The following TMEM135 variants were observed in gnomAD, a reference collection of about 807,000 sequenced individuals.
TMEM135 encodes the protein transmembrane protein 135.
In TMEM135, 30 loss-of-function variants were observed where a neutral mutation model predicts 60.3. The ratio of observed to expected loss-of-function variants is 0.50; its 90% CI spans 0.37 to 0.68. The LOEUF is 0.68. TMEM135 is among the 30% of genes least tolerant of loss of function. The pLI, the probability that TMEM135 is intolerant of heterozygous loss-of-function variation, is 0.00. For missense variants in TMEM135, 468 were observed against 548.8 expected, an observed-to-expected ratio of 0.85 and a Z score of 1.47; for synonymous variants, 190 against 186.7, an observed-to-expected ratio of 1.02 and a Z score of -0.14.
intron 5 of TMEM135, among the ~76,000 whole-genome samples, chr11:87,182,292 G>A (rs1186427478): frequency 4.6e-5 from 7 of 152,042 alleles, no homozygotes; most frequent in Non-Finnish European, 1.0e-4. Context: ...AGGAACAAAA[G>A]CTCTCTTTTG....
chr11:87,151,919 C>G (rs1358715273), intron 4 of TMEM135, among the ~76,000 whole-genome samples: 2 of 152,094 alleles, frequency 1.3e-5, no homozygotes, highest in African/African-American at 2.4e-5. Context: ...ATTATCCTAC[C>G]TCTGTTTTTT....
At position 87,067,725 on chromosome 11, in the gene TMEM135, A is replaced by G. The variant is rs199651242; in HGVS notation, c.173A>G (p.Asp58Gly). The G allele has an allele frequency of 1.9e-6, 3 of 1,613,900 alleles. No homozygotes were observed. Among genetic ancestry groups the G allele is most frequent in the East Asian group, 2.2e-5 (1 of 44,818 alleles). The stretch of plus-strand genomic sequence containing the variant: ...GCAATTCTCCGGAAACGGAAATTAG[A>G]CTATTATTTACACAAACTACTCCCT... ...IAAILRKRKLDYYLHKLLPEI... is the reference protein window; with the variant it reads ...IAAILRKRKLGYYLHKLLPEI... The change falls in exon 2 of 15, where the codon GAC becomes GGC. Residue 58 changes from aspartate (D) to glycine (G), a missense_variant. Asp to Gly is a moderately conservative substitution (Grantham distance 94, BLOSUM62 -1). Transcript: ENST00000305494.
At chr11:87,250,874 T>G (rs2135390952) in intron 6 of TMEM135, among the ~76,000 whole-genome samples, 1 of 152,180 alleles carries the variant, frequency 6.6e-6, no homozygotes, top group South Asian at 2.1e-4. Context: ...GAATTTGGGA[T>G]TTGGAGGGAG....
chr11:87,204,968 T>C (rs901941331), intron 5 of TMEM135, among the ~76,000 whole-genome samples: 2 of 152,232 alleles, frequency 1.3e-5, no homozygotes, highest in African/African-American at 4.8e-5. Context: ...CTTTACCTTC[T>C]CCATGAAACC....
rs527772217 is a variant in TMEM135, at chr11:87,193,076, C to T, written c.462+35670C>T. Among the ~76,000 whole-genome samples the T allele has an allele frequency of 8.5e-5, 13 of 152,244 alleles. No homozygotes were observed. The South Asian group carries it at 2.5e-3, about 29-fold the overall frequency. On this transcript the variant is annotated intron_variant, in intron 5 of 14. Coordinates refer to ENST00000305494, the MANE Select transcript of TMEM135 (RefSeq NM_022918.4). ...GTTGCAGTGAGCTGAGATTGCACCA[C>T]TGCACTCCAGCCTGGGTGACTCCAT...
At chr11:87,304,099 G>A (rs1000893659) in intron 8 of TMEM135, among the ~76,000 whole-genome samples, 2 of 152,154 alleles carry the variant, frequency 1.3e-5, no homozygotes, top group Non-Finnish European at 2.9e-5. Context: ...GGCCAGGCAT[G>A]GTGGCTCACA....
chr11:87,233,079 A>T (rs1940922424), intron 5 of TMEM135, among the ~76,000 whole-genome samples: 2 of 152,110 alleles, frequency 1.3e-5, no homozygotes, highest in Non-Finnish European at 2.9e-5. Flanking sequence ...TGAACCTGGG[A>T]GGTGGAGGTT....
At chr11:87,191,987 C>CTTTTTTTTT (rs200969171) in intron 5 of TMEM135, among the ~76,000 whole-genome samples, 6 of 77,184 alleles carry the variant, frequency 7.8e-5, no homozygotes, top group Admixed American at 1.7e-4. Context: ...CTTTTCTTTT[C>CTTTTTTTTT]TTTTTTTTTT....
chr11:87,147,269 G>A (rs956698118), intron 4 of TMEM135, among the ~76,000 whole-genome samples: 4 of 152,208 alleles, frequency 2.6e-5, no homozygotes, highest in Non-Finnish European at 5.9e-5. Flanking sequence ...GTTGCAATGA[G>A]CCGAGATCGT....
At chr11:87,207,979 C>T (rs554476935) in intron 5 of TMEM135, among the ~76,000 whole-genome samples, 2 of 152,024 alleles carry the variant, frequency 1.3e-5, no homozygotes, top group South Asian at 4.2e-4. Flanking sequence ...AGCCTTGCCC[C>T]CTAAAAACAT....
At chr11:87,155,299 TGTTTTTA>T (rs1254999695) in intron 4 of TMEM135, among the ~76,000 whole-genome samples, 4 of 152,240 alleles carry the variant, frequency 2.6e-5, no homozygotes, top group African/African-American at 9.6e-5. Flanking sequence ...ATGCCCAGAC[TGTTTTTA>T]GTTTTGTTGC....
intron 5 of TMEM135, among the ~76,000 whole-genome samples, chr11:87,197,277 C>T (rs1377775521): frequency 2.0e-5 from 3 of 151,916 alleles, no homozygotes; most frequent in East Asian, 1.9e-4. Context: ...AATAGCTGGA[C>T]GAGTACATAT....
At chr11:87,080,168 GTTTT>G (rs35717116) in intron 3 of TMEM135, among the ~76,000 whole-genome samples, 4 of 128,354 alleles carry the variant, frequency 3.1e-5, no homozygotes, top group Non-Finnish European at 6.6e-5. Context: ...TGTTTGCAGT[GTTTT>G]TTTTTTTTTT....
rs753177573 is a variant in TMEM135 at position 87,313,532 on chromosome 11, G to A, written c.1000+44G>A. 32 of 1,489,574 alleles carry A rather than the reference G, an allele frequency of 2.1e-5. No individual in the cohort carries two copies. In the Admixed American group the frequency reaches 5.4e-4, roughly 25 times the overall value. 92.3% of individuals were successfully genotyped at this position (1,489,574 alleles called of 1,614,324 possible). On this transcript the variant is annotated intron_variant, in intron 11 of 14. Coordinates refer to ENST00000305494, the MANE Select transcript of TMEM135 (RefSeq NM_022918.4). ...TGAATGGTTATTATTGTATTAATCA[G>A]TGGTAGGAATGAATTGGAAATACCA... is the stretch of plus-strand genomic sequence containing the variant.
intron 5 of TMEM135, among the ~76,000 whole-genome samples, chr11:87,206,015 T>A (rs142848157): frequency 2.9e-4 from 44 of 152,352 alleles, no homozygotes; most frequent in African/African-American, 1.1e-3. Context: ...GTTTTTCTTA[T>A]ATCTGTAGGT....
chr11:87,093,682 C>A (rs912881107), intron 4 of TMEM135, among the ~76,000 whole-genome samples: 2 of 151,994 alleles, frequency 1.3e-5, no homozygotes, highest in African/African-American at 2.4e-5. Flanking sequence ...AGGTGTGCAC[C>A]ATCACGCCTG....
At chr11:87,067,615 A>G in intron 1 of TMEM135, 79 bp from the exon 2 acceptor site, 2 of 1,567,996 alleles carry the variant, frequency 1.3e-6, no homozygotes, top group Non-Finnish European at 1.7e-6. Context: ...ATATGCTTTT[A>G]TACAGTAGCT....
At chr11:87,253,273 G>T (rs1158757049) in intron 6 of TMEM135, among the ~76,000 whole-genome samples, 1 of 152,076 alleles carries the variant, frequency 6.6e-6, no homozygotes, top group African/African-American at 2.4e-5. Context: ...TTAGTAGAAG[G>T]CAAAGAGAAA....
At chr11:87,195,925 G>A (rs1018095308) in intron 5 of TMEM135, among the ~76,000 whole-genome samples, 1 of 152,230 alleles carries the variant, frequency 6.6e-6, no homozygotes, top group Admixed American at 6.5e-5. Flanking sequence ...CTATTTTATG[G>A]CAGTTATAAA....
Sources: allele counts gnomAD v4.1 joint callset (sites outside exome capture counted in the v4.1 genomes callset), GRCh38; gene constraint gnomAD v4.1.1; transcripts MANE v1.5; gene names NCBI Gene and HGNC (gene_info 2026-07-23, HGNC 2026-07-21).